Variants in SOS1 observed in about 807,000 individuals in gnomAD.
The protein encoded by SOS1 is son of sevenless homolog 1.
In SOS1, 25 loss-of-function variants were observed where a neutral mutation model predicts 157.6. The ratio of observed to expected loss-of-function variants is 0.16; its 90% CI spans 0.12 to 0.22. SOS1 has a LOEUF of 0.22. SOS1 is among the 10% of genes least tolerant of loss of function. The pLI, the probability that SOS1 is intolerant of heterozygous loss-of-function variation, is 1.00. For synonymous variants in SOS1, 528 were observed against 534.0 expected (o/e 0.99, Z 0.16); for missense variants, 1,237 against 1,599.1 (o/e 0.77, Z 3.86).
chr2:39,106,859 T>C (rs1404591295), intron 1 of SOS1, among the ~76,000 whole-genome samples: 1 of 152,204 alleles, frequency 6.6e-6, no homozygotes, highest in Non-Finnish European at 1.5e-5. Context: ...TTGCCTCAAG[T>C]ACTCCTGGTT....
At chr2:39,054,926 A>C (rs929880021) in intron 4 of SOS1, 103 bp from the exon 5 acceptor site, 9 of 702,126 alleles carry the variant, frequency 1.3e-5, no homozygotes, top group Non-Finnish European at 2.0e-5. Flanking sequence ...TAAATGATAA[A>C]AAAGCAGACA....
chr2:39,032,289 A>G (rs962657838), intron 8 of SOS1, among the ~76,000 whole-genome samples: 1 of 151,846 alleles, frequency 6.6e-6, no homozygotes, highest in South Asian at 2.1e-4. Flanking sequence ...CTACTCCCCT[A>G]CCCTCCAGCC....
intron 1 of SOS1, chr2:39,098,406 C>A: frequency 5.0e-6 from 1 of 201,218 alleles, no homozygotes; most frequent in South Asian, 9.0e-5. Context: ...AATACACGGT[C>A]ATACAGTGGA....
At chr2:39,029,911 A>G (rs1165530006) in intron 8 of SOS1, among the ~76,000 whole-genome samples, 1 of 152,122 alleles carries the variant, frequency 6.6e-6, no homozygotes, top group African/African-American at 2.4e-5. Context: ...TTACGCCTAT[A>G]ATCCCTGTAC....
At chr2:38,988,342 C>T (rs1034823397) in intron 21 of SOS1, among the ~76,000 whole-genome samples, 3 of 152,056 alleles carry the variant, frequency 2.0e-5, no homozygotes, top group Non-Finnish European at 4.4e-5. Context: ...CTAATTAGAA[C>T]CTCTCTTACA....
At chr2:39,063,319 T>C (rs1671475658) in intron 2 of SOS1, among the ~76,000 whole-genome samples, 1 of 125,806 alleles carries the variant, frequency 7.9e-6, no homozygotes, top group Non-Finnish European at 1.7e-5. Context: ...TTACAAGTAT[T>C]CTAGAGATGA....
At chr2:38,991,004 C>G (rs1355244397) in intron 20 of SOS1, among the ~76,000 whole-genome samples, 1 of 152,012 alleles carries the variant, frequency 6.6e-6, no homozygotes, top group African/African-American at 2.4e-5. Flanking sequence ...AGATGACAGA[C>G]AAATGGTCCT....
At chr2:39,050,124 C>T (rs918464235) in intron 6 of SOS1, among the ~76,000 whole-genome samples, 2 of 152,092 alleles carry the variant, frequency 1.3e-5, no homozygotes, top group Non-Finnish European at 2.9e-5. Context: ...GATGCTTGAA[C>T]TTACCATTCT....
rs557313301 is a variant in SOS1 at position 39,035,251 on chromosome 2, G to A, written c.1035C>T (p.Ala345=). The change falls in exon 8 of 23, where the codon GCC becomes GCT. Residue 345 remains alanine (A), a synonymous_variant. Transcript: ENST00000402219. ...AGTAATGGAGACAGTGGTAAACAGG[G>A]GCCAGAAGCAGCCTGGGTAAAACAT... ...VQYVLPRLLL[A]PVYHCLHYFE... is the part of the protein sequence containing the mutation. The A allele has an allele frequency of 8.7e-6, 14 of 1,613,664 alleles. No individual in the cohort carries two copies. In the South Asian group the frequency reaches 1.3e-4, roughly 15 times the overall value.
intron 6 of SOS1, among the ~76,000 whole-genome samples, chr2:39,048,403 CT>C (rs918701770): frequency 1.4e-4 from 20 of 146,848 alleles, no homozygotes; most frequent in African/African-American, 2.7e-4. Flanking sequence ...TTAAGATTTT[CT>C]TTTTTTTTTT....
At position 39,066,381 on chromosome 2, in the gene SOS1, C is replaced by T. The variant is rs75663416; in HGVS notation, c.213+1247G>A. On this transcript the variant is annotated intron_variant, in intron 2 of 22. Coordinates refer to ENST00000402219, the MANE Select transcript of SOS1 (RefSeq NM_005633.4). ...AAACCCAAAGATTTGAAGTACTGTA[C>T]ACTTGAAGTCATTAAAGTCAAACGG... Among the ~76,000 whole-genome samples, 773 of 152,336 alleles carry T rather than the reference C, an allele frequency of 5.1e-3. 44 individuals carry two copies. The East Asian group carries it at 0.13, about 25-fold the overall frequency.
At chr2:39,026,984 C>T (rs1335466902) in intron 8 of SOS1, among the ~76,000 whole-genome samples, 1 of 152,132 alleles carries the variant, frequency 6.6e-6, no homozygotes, top group Non-Finnish European at 1.5e-5. Flanking sequence ...CACCACTGAA[C>T]GATGAATTAG....
At chr2:39,079,857 C>A (rs917889059) in intron 1 of SOS1, among the ~76,000 whole-genome samples, 23 of 151,988 alleles carry the variant, frequency 1.5e-4, no homozygotes, top group African/African-American at 5.5e-4. Flanking sequence ...ATTATTTAAA[C>A]CAGCAGTCTC....
chr2:39,107,202 TGAGAAC>T (rs1477572576), intron 1 of SOS1, among the ~76,000 whole-genome samples: 1 of 152,110 alleles, frequency 6.6e-6, no homozygotes, highest in African/African-American at 2.4e-5. Context: ...TAATTGATCA[TGAGAAC>T]GAGCCTCTCA....
intron 1 of SOS1, among the ~76,000 whole-genome samples, chr2:39,111,941 G>C (rs145341677): frequency 1.3e-5 from 2 of 151,998 alleles, no homozygotes; most frequent in Admixed American, 1.3e-4. Flanking sequence ...TGTTGGCCAG[G>C]CTGGTCTTGA....
chr2:39,011,738 A>G (rs1669480163), intron 14 of SOS1, among the ~76,000 whole-genome samples: 3 of 152,190 alleles, frequency 2.0e-5, no homozygotes, highest in Admixed American at 2.0e-4. Context: ...GTGCTAGGTA[A>G]TGTACATATA....
upstream of SOS1, among the ~76,000 whole-genome samples, chr2:39,123,124 T>G (rs969592693): frequency 5.9e-5 from 9 of 152,252 alleles, no homozygotes; most frequent in African/African-American, 2.2e-4. Flanking sequence ...TAAAGAACAT[T>G]GTTCTTCTCT....
intron 1 of SOS1, among the ~76,000 whole-genome samples, chr2:39,100,160 G>C (rs1271801873): frequency 1.3e-5 from 2 of 152,198 alleles, no homozygotes; most frequent in African/African-American, 4.8e-5. Context: ...CTTTTGGTAA[G>C]AGATAACAAG....
At chr2:39,111,012 C>A (rs927006042) in intron 1 of SOS1, among the ~76,000 whole-genome samples, 6 of 152,212 alleles carry the variant, frequency 3.9e-5, no homozygotes, top group African/African-American at 1.4e-4. Context: ...GCAGGTGGAT[C>A]ACCTGAGGTC....
Sources: allele counts gnomAD v4.1 joint callset (sites outside exome capture counted in the v4.1 genomes callset), GRCh38; gene constraint gnomAD v4.1.1; transcripts MANE v1.5; gene names NCBI Gene and HGNC (gene_info 2026-07-23, HGNC 2026-07-21).